The following LTBP1 variants were observed in gnomAD, a reference collection of about 807,000 sequenced individuals.
The protein encoded by LTBP1 is latent transforming growth factor beta binding protein 1, also known as latent-transforming growth factor beta-binding protein 1.
A neutral mutation model predicts 207.6 loss-of-function variants in LTBP1; 129 were observed. The ratio of observed to expected loss-of-function variants is 0.62; its 90% CI spans 0.54 to 0.72. LTBP1 has a LOEUF of 0.72. Ranked by LOEUF, LTBP1 falls within the 30% of genes least tolerant of loss-of-function variation. The probability of loss-of-function intolerance (pLI) is 0.00; values close to 1 mark genes in which losing one functional copy is unlikely to be tolerated. For missense variants in LTBP1, 2,281 were observed against 2,217.2 expected, an observed-to-expected ratio of 1.03 and a Z score of -0.58; for synonymous variants, 963 against 833.7, an observed-to-expected ratio of 1.16 and a Z score of -2.67.
chr2:33,181,195 A>G (rs1357622316), intron 5 of LTBP1, among the ~76,000 whole-genome samples: 2 of 152,210 alleles, frequency 1.3e-5, no homozygotes, highest in Non-Finnish European at 2.9e-5. Flanking sequence ...CAGCCGAAGT[A>G]TTTTTATAGT....
chr2:33,393,135 A>G (rs1055824151), intron 32 of LTBP1, among the ~76,000 whole-genome samples: 1 of 150,288 alleles, frequency 6.7e-6, no homozygotes, highest in African/African-American at 2.5e-5. Context: ...GGTACAGATT[A>G]TTACATCACC....
intron 2 of LTBP1, among the ~76,000 whole-genome samples, chr2:33,018,514 G>C (rs752920425): frequency 2.0e-5 from 3 of 152,190 alleles, no homozygotes; most frequent in Non-Finnish European, 2.9e-5. Flanking sequence ...TGAAAGCCCA[G>C]CTCAGTCCTT....
chr2:32,957,539 T>C lies in LTBP1; in HGVS notation c.565+8594T>C, dbSNP rs568130188. On this transcript the variant is annotated intron_variant, in intron 2 of 33. Transcript: ENST00000404816. ...TTTCTCAGTTAAGTTTTCTGTCTTA[T>C]ATTGGGTATGATTTGTGGTGCCCCA... Among the ~76,000 whole-genome samples, 10 of 152,338 alleles carry C rather than the reference T, an allele frequency of 6.6e-5. No individual in the cohort carries two copies. In the East Asian group the frequency reaches 1.9e-3, roughly 29 times the overall value.
chr2:33,188,915 A>C, intron 7 of LTBP1, 64 bp downstream of exon 7: 1 of 1,508,742 alleles, frequency 6.6e-7, no homozygotes, highest in Non-Finnish European at 9.0e-7. Flanking sequence ...TTTAACAAGA[A>C]AGCCAGACTT....
chr2:33,256,476 A>AT (rs559638497), intron 11 of LTBP1, among the ~76,000 whole-genome samples: 5 of 151,392 alleles, frequency 3.3e-5, no homozygotes, highest in Non-Finnish European at 5.9e-5. Flanking sequence ...CTGAATAGTG[A>AT]TTTTTTTTAA....
intron 23 of LTBP1, 21 bp downstream of exon 23, chr2:33,309,577 C>T (rs766819307): frequency 6.3e-7 from 1 of 1,598,004 alleles, no homozygotes; most frequent in South Asian, 1.1e-5. Flanking sequence ...CTCTTTTTTC[C>T]CCAGTCATTA....
chr2:33,018,554 A>AT (rs1688710980), intron 2 of LTBP1, among the ~76,000 whole-genome samples: 2 of 152,182 alleles, frequency 1.3e-5, no homozygotes, highest in African/African-American at 4.8e-5. Flanking sequence ...TCTTGGGTGG[A>AT]TCCCATTCCC....
At chr2:33,004,976 G>T (rs1686617998) in intron 2 of LTBP1, among the ~76,000 whole-genome samples, 1 of 152,094 alleles carries the variant, frequency 6.6e-6, no homozygotes, top group South Asian at 2.1e-4. Context: ...GGAGGCCTAT[G>T]CTGGGTCTTC....
At chr2:33,190,566 C>G (rs1021043165) in intron 7 of LTBP1, among the ~76,000 whole-genome samples, 1 of 152,142 alleles carries the variant, frequency 6.6e-6, no homozygotes. Flanking sequence ...GAGCCCAGCA[C>G]TCGGTAGGAG....
intron 7 of LTBP1, among the ~76,000 whole-genome samples, chr2:33,191,158 C>A (rs1255972173): frequency 6.6e-6 from 1 of 152,102 alleles, no homozygotes; most frequent in African/African-American, 2.4e-5. Flanking sequence ...CAAGTTGGAA[C>A]ACAGATGATA....
intron 5 of LTBP1, among the ~76,000 whole-genome samples, chr2:33,156,991 G>A (rs1030490556): frequency 1.3e-5 from 2 of 152,144 alleles, no homozygotes; most frequent in African/African-American, 4.8e-5. Context: ...AAACTTGACA[G>A]GTCTGCAAAT....
At position 33,248,251 on chromosome 2, in the gene LTBP1, G is replaced by A. The variant is rs562259351; in HGVS notation, c.2000-4426G>A. Among the ~76,000 whole-genome samples, 9 of 152,276 alleles carry A rather than the reference G, an allele frequency of 5.9e-5. No homozygotes were observed. The South Asian group carries it at 1.9e-3, about 32-fold the overall frequency. Reference sequence around the variant, plus strand: ...CCAGGCACTGTGCTAAGCACTTTATGTGAATTATCCCATATAATACTTACA... The same window carrying A: ...CCAGGCACTGTGCTAAGCACTTTATATGAATTATCCCATATAATACTTACA... On this transcript the variant is annotated intron_variant, in intron 10 of 33. Coordinates refer to ENST00000404816, the MANE Select transcript of LTBP1 (RefSeq NM_206943.4).
intron 2 of LTBP1, among the ~76,000 whole-genome samples, chr2:32,995,904 G>T (rs1572993563): frequency 6.6e-6 from 1 of 152,150 alleles, no homozygotes; most frequent in East Asian, 1.9e-4. Flanking sequence ...CATTTTCCCT[G>T]TTTTATAGAT....
intron 7 of LTBP1, among the ~76,000 whole-genome samples, chr2:33,207,312 G>A (rs1480843698): frequency 6.6e-6 from 1 of 152,118 alleles, no homozygotes; most frequent in African/African-American, 2.4e-5. Flanking sequence ...CCATGGTTTG[G>A]CTTCAGCAGG....
intron 13 of LTBP1, among the ~76,000 whole-genome samples, chr2:33,261,447 G>A (rs1170032360): frequency 6.6e-6 from 1 of 152,142 alleles, no homozygotes; most frequent in African/African-American, 2.4e-5. Flanking sequence ...GCTGAATTTT[G>A]GTAGGTCTAC....
intron 2 of LTBP1, among the ~76,000 whole-genome samples, chr2:32,979,157 T>G (rs902461940): frequency 6.6e-6 from 1 of 151,596 alleles, no homozygotes; most frequent in Non-Finnish European, 1.5e-5. Context: ...TTCATTTCAT[T>G]GATCTTTTAT....
At chr2:33,138,659 C>A (rs912850495) in intron 5 of LTBP1, among the ~76,000 whole-genome samples, 1 of 152,000 alleles carries the variant, frequency 6.6e-6, no homozygotes, top group African/African-American at 2.4e-5. Context: ...CATATAAATT[C>A]GTGTCACAAC....
At chr2:33,016,682 G>GA (rs1404461266) in intron 2 of LTBP1, among the ~76,000 whole-genome samples, 6 of 151,898 alleles carry the variant, frequency 4.0e-5, no homozygotes, top group Non-Finnish European at 7.4e-5. Context: ...TGCTGGCCAG[G>GA]AAAAAGCAAT....
At chr2:33,153,601 G>C (rs1171832033) in intron 5 of LTBP1, among the ~76,000 whole-genome samples, 1 of 152,060 alleles carries the variant, frequency 6.6e-6, no homozygotes, top group Non-Finnish European at 1.5e-5. Context: ...CTCACTGTGG[G>C]GAAAAAGTCA....
Sources: allele counts gnomAD v4.1 joint callset (sites outside exome capture counted in the v4.1 genomes callset), GRCh38; gene constraint gnomAD v4.1.1; transcripts MANE v1.5; gene names NCBI Gene and HGNC (gene_info 2026-07-23, HGNC 2026-07-21).